The following ZNF793 variants were observed in gnomAD, a reference collection of about 807,000 sequenced individuals.
ZNF793 encodes the protein zinc finger protein 793.
ZNF793 carries 5 observed loss-of-function variants against 12.4 expected under a neutral mutation model. That is an observed-to-expected ratio of 0.40 (90% CI 0.21 to 0.84). The LOEUF (loss-of-function observed/expected upper bound fraction) is 0.84. ZNF793 is among the 40% of genes least tolerant of loss of function. ZNF793 has a pLI of 0.35. For synonymous variants in ZNF793, 162 were observed against 172.4 expected, an observed-to-expected ratio of 0.94 and a Z score of 0.47; for missense variants, 456 against 495.0, an observed-to-expected ratio of 0.92 and a Z score of 0.75.
chr19:37,508,807 A>G (rs2042271410), intron 2 of ZNF793, among the ~76,000 whole-genome samples: 1 of 152,248 alleles, frequency 6.6e-6, no homozygotes, highest in African/African-American at 2.4e-5. Context: ...ACTTTTATCT[A>G]GGCTCAACTT....
intron 5 of ZNF793, among the ~76,000 whole-genome samples, chr19:37,529,468 T>A (rs961020819): frequency 5.3e-5 from 8 of 152,114 alleles, no homozygotes; most frequent in Non-Finnish European, 7.3e-5. Context: ...TTTTTTTTTT[T>A]AATTCAGTCT....
At chr19:37,515,499 G>A (rs578160244) in intron 2 of ZNF793, among the ~76,000 whole-genome samples, 28 of 152,074 alleles carry the variant, frequency 1.8e-4, no homozygotes, top group African/African-American at 6.7e-4. Context: ...TAGTAGAGAC[G>A]GGGTTTCACC....
chr19:37,512,264 C>G (rs1455904877), intron 2 of ZNF793, among the ~76,000 whole-genome samples: 1 of 152,068 alleles, frequency 6.6e-6, no homozygotes, highest in Non-Finnish European at 1.5e-5. Context: ...TGCCTGTAAT[C>G]CCAGCACTTT....
rs1380542011 is a variant in ZNF793, at chr19:37,540,445, AC to A, written c.*2567del. The stretch of plus-strand genomic sequence containing the variant: ...AATAGGAAATGCATCAATCAAATTA[AC>A]AGTTTAAAGGAGAAGAATCATATGA... On this transcript the variant is annotated 3_prime_UTR_variant, in exon 8 of 8. Transcript: ENST00000627814. The A allele has an allele frequency of 6.6e-6, 1 of 151,676 alleles. No individual in the cohort carries two copies. The highest frequency in any genetic ancestry group is 1.9e-4 in the East Asian group (1 of 5,182). The allele number at this position is 151,676 out of a possible 1,614,324, so 9.4% of individuals were successfully genotyped here.
chr19:37,519,093 T>C lies in ZNF793; in HGVS notation c.-275-1091T>C, dbSNP rs1194624810. 3.9e-5 allele frequency among the ~76,000 whole-genome samples: 6 copies of C among 152,130 alleles called. No homozygotes were observed. In the East Asian group the frequency reaches 5.8e-4, roughly 15 times the overall value. ...CATCCTGGCTAACGCGGTGAAACCC[T>C]GTCTCTACTAAAAATACAAAAAAAT... is the stretch of plus-strand genomic sequence containing the variant. On this transcript the variant is annotated intron_variant, in intron 2 of 7. Coordinates refer to ENST00000627814, the MANE Select transcript of ZNF793 (RefSeq NM_001013659.3).
At chr19:37,528,470 G>A (rs1021425413) in intron 5 of ZNF793, among the ~76,000 whole-genome samples, 1 of 151,876 alleles carries the variant, frequency 6.6e-6, no homozygotes, top group African/African-American at 2.4e-5. Flanking sequence ...ATCTAGTGTG[G>A]CCCAAGACCA....
In ZNF793 at chr19:37,520,243, C is replaced by G. The variant is rs2042364963; in HGVS notation, c.-216C>G. On this transcript the variant is annotated 5_prime_UTR_variant, in exon 3 of 8. Coordinates refer to ENST00000627814, the MANE Select transcript of ZNF793 (RefSeq NM_001013659.3). ...CCACCTTGCTGGACGGGAGGGCTCT[C>G]TAGCTCCTGCCAGCCCTTAGAGCCA... The G allele has an allele frequency of 6.6e-6, 1 of 152,408 alleles. No individual in the cohort carries two copies. The highest frequency in any genetic ancestry group is 1.5e-5 in the Non-Finnish European group (1 of 68,202). The allele number at this position is 152,408 out of a possible 1,614,324, so 9.4% of individuals were successfully genotyped here.
chr19:37,537,460 T>G lies in ZNF793; in HGVS notation c.802T>G (p.Ser268Ala), dbSNP rs988396173. ...CTGTGGGAAAGCCTTTTCACATAAG[T>G]CAACCCTCATCAAACACCAGAGAAT... ...TDCGKAFSHK[S>A]TLIKHQRIHT... Residue 268 changes from serine (S) to alanine (A), a missense_variant, in exon 8 of 8, where the codon TCA (serine) becomes GCA (alanine). By Grantham distance (99) the Ser-to-Ala change is moderately conservative. Coordinates refer to ENST00000627814, the MANE Select transcript of ZNF793 (RefSeq NM_001013659.3). 2 of 1,613,752 alleles carry G rather than the reference T, an allele frequency of 1.2e-6. No individual in the cohort carries two copies. Among genetic ancestry groups the G allele is most frequent in the Non-Finnish European group, 1.7e-6 (2 of 1,179,868 alleles).
At chr19:37,513,547 G>C (rs1191335168) in intron 2 of ZNF793, among the ~76,000 whole-genome samples, 1 of 152,230 alleles carries the variant, frequency 6.6e-6, no homozygotes, top group Non-Finnish European at 1.5e-5. Context: ...CAGAGAAACA[G>C]TTGTCACATC....
chr19:37,532,992 T>C (rs2042474237), intron 6 of ZNF793, among the ~76,000 whole-genome samples: 2 of 152,196 alleles, frequency 1.3e-5, no homozygotes, highest in African/African-American at 4.8e-5. Flanking sequence ...GTACCACTTT[T>C]TTACACATTT....
intron 6 of ZNF793, 100 bp downstream of exon 6, chr19:37,532,582 A>G (rs2042470632): frequency 2.2e-6 from 3 of 1,370,374 alleles, no homozygotes; most frequent in South Asian, 3.0e-5. Flanking sequence ...AGGCCAAGGC[A>G]GGTGGATCAC....
rs1189576982 is a variant in ZNF793 at position 37,532,717 on chromosome 19, G to A, written c.142+235G>A. 2.6e-5 allele frequency among the ~76,000 whole-genome samples: 4 copies of A among 152,008 alleles called. No homozygotes were observed. In the East Asian group the frequency reaches 7.7e-4, roughly 29 times the overall value. On this transcript the variant is annotated intron_variant, in intron 6 of 7. Coordinates refer to ENST00000627814, the MANE Select transcript of ZNF793 (RefSeq NM_001013659.3). ...GCCTGTAATCCCAGCTACTCAGGAG[G>A]CTAAGGCAGGAGAATTGCTTGAACC...
intron 2 of ZNF793, among the ~76,000 whole-genome samples, chr19:37,510,623 G>T (rs1298008006): frequency 6.6e-6 from 1 of 151,344 alleles, no homozygotes; most frequent in African/African-American, 2.4e-5. Flanking sequence ...GTTCAAGGTT[G>T]CAGTGAGCTA....
chr19:37,507,834 T>A (rs1310117228), intron 1 of ZNF793, among the ~76,000 whole-genome samples: 1 of 152,176 alleles, frequency 6.6e-6, no homozygotes, highest in Admixed American at 6.5e-5. Flanking sequence ...ACCTGTAGTC[T>A]CTCCTGGTCA....
chr19:37,532,539 C>T (rs1369223115), intron 6 of ZNF793, 57 bp downstream of exon 6: 1 of 1,504,352 alleles, frequency 6.6e-7, no homozygotes, highest in Non-Finnish European at 8.9e-7. Flanking sequence ...CCTTTCCTTT[C>T]TCAGTTGCTA....
chr19:37,541,000 G>C lies in ZNF793; in HGVS notation c.*3121G>C, dbSNP rs1049503784. The C allele has an allele frequency of 2.6e-5, 4 of 151,824 alleles. No homozygotes were observed. Among genetic ancestry groups the C allele is most frequent in the Admixed American group, 2.6e-4 (4 of 15,250 alleles). 9.4% of individuals were successfully genotyped at this position (151,824 alleles called of 1,614,324 possible). A position where few individuals can be genotyped will look rare whatever the true frequency, so the allele number is the denominator to read the frequency against. On this transcript the variant is annotated 3_prime_UTR_variant, in exon 8 of 8. Coordinates refer to ENST00000627814, the MANE Select transcript of ZNF793 (RefSeq NM_001013659.3). ...TAAAAATTTTTAAAATGCCATGCTA[G>C]ATACCAGAAGATAACATGAAGCCAT...
rs1410877042 is a variant in ZNF793, at chr19:37,542,662, AG to A, written c.*4785del. 5.5e-6 allele frequency: 1 copy of A among 182,254 alleles called. No homozygotes were observed. The highest frequency in any genetic ancestry group is 1.2e-5 in the Non-Finnish European group (1 of 84,372). 11.3% of individuals were successfully genotyped at this position (182,254 alleles called of 1,614,324 possible). On this transcript the variant is annotated 3_prime_UTR_variant, in exon 8 of 8. Coordinates refer to ENST00000627814, the MANE Select transcript of ZNF793 (RefSeq NM_001013659.3). ...CCATAGAATGTTAATATAGCCATTA[AG>A]GTGGACAAATTAAAACTATGCTAGT... is the stretch of plus-strand genomic sequence containing the variant.
In ZNF793 at chr19:37,541,138, A is replaced by G. The variant is rs146009576; in HGVS notation, c.*3259A>G. ...ATATGAACTTTTTCATATGTGAAAAAGGTGAAATCTGAAACCACAGGGGAA... is the reference window on the plus strand; with the variant it reads ...ATATGAACTTTTTCATATGTGAAAAGGGTGAAATCTGAAACCACAGGGGAA... On this transcript the variant is annotated 3_prime_UTR_variant, in exon 8 of 8. Transcript: ENST00000627814. 2 of 152,258 alleles carry G rather than the reference A, an allele frequency of 1.3e-5. No homozygotes were observed. Among genetic ancestry groups the G allele is most frequent in the East Asian group, 3.9e-4 (2 of 5,190 alleles). The allele number at this position is 152,258 out of a possible 1,614,324, so 9.4% of individuals were successfully genotyped here. A position where few individuals can be genotyped will look rare whatever the true frequency, so the allele number is the denominator to read the frequency against.
At chr19:37,507,059 G>C (rs1014141849) in intron 1 of ZNF793, 93 bp downstream of exon 1, 8 of 152,354 alleles carry the variant, frequency 5.3e-5, no homozygotes, top group African/African-American at 1.9e-4. Context: ...TCAAACCTGG[G>C]ACTAGTGGAG....
Sources: gnomAD v4.1 joint callset for allele counts (sites outside exome capture counted in the v4.1 genomes callset) on GRCh38, gnomAD v4.1.1 for gene constraint, MANE v1.5 for transcripts, NCBI Gene and HGNC (gene_info 2026-07-23, HGNC 2026-07-21) for gene names.